The following WWOX variants were observed in gnomAD, a reference collection of about 807,000 sequenced individuals.
The protein encoded by WWOX is WW domain containing oxidoreductase.
Under a neutral mutation model 46.2 loss-of-function variants are expected in WWOX, and 69 were observed. The ratio of observed to expected loss-of-function variants is 1.49; its 90% CI spans 1.23 to 1.82. The LOEUF (loss-of-function observed/expected upper bound fraction) is 1.82. Ranked by LOEUF, WWOX falls within the 40% of genes most tolerant of loss-of-function variation. The pLI is 0.00. For missense variants in WWOX, 919 were observed against 542.6 expected, an observed-to-expected ratio of 1.69 and a Z score of -6.89; for synonymous variants, 359 against 202.6, an observed-to-expected ratio of 1.77 and a Z score of -6.56.
chr16:79,075,316 G>C (rs193263130), intron 8 of WWOX, among the ~76,000 whole-genome samples: 1 of 152,198 alleles, frequency 6.6e-6, no homozygotes, highest in Admixed American at 6.5e-5. Context: ...GTATGTTCAA[G>C]ACACCGGCAG....
At chr16:79,061,102 A>G (rs543087411) in intron 8 of WWOX, among the ~76,000 whole-genome samples, 2 of 152,310 alleles carry the variant, frequency 1.3e-5, no homozygotes, top group South Asian at 4.1e-4. Context: ...CAAGAGAGGT[A>G]CATTGGGTGG....
intron 8 of WWOX, among the ~76,000 whole-genome samples, chr16:79,183,567 T>G (rs1017755003): frequency 6.6e-6 from 1 of 152,250 alleles, no homozygotes; most frequent in African/African-American, 2.4e-5. Flanking sequence ...ATTCTTACTC[T>G]CCCTCTCCAG....
intron 5 of WWOX, among the ~76,000 whole-genome samples, chr16:78,340,653 T>C (rs1372583437): frequency 8.3e-6 from 1 of 120,662 alleles, no homozygotes; most frequent in African/African-American, 2.8e-5. Context: ...CTGGCTGGAC[T>C]ATTTTTTGGG....
intron 8 of WWOX, among the ~76,000 whole-genome samples, chr16:78,950,631 C>G (rs1175847684): frequency 6.6e-6 from 1 of 151,776 alleles, no homozygotes; most frequent in Admixed American, 6.6e-5. Context: ...AAATGACTTC[C>G]ATTAAATAGG....
intron 8 of WWOX, among the ~76,000 whole-genome samples, chr16:78,619,849 G>C (rs2151642215): frequency 6.6e-6 from 1 of 152,144 alleles, no homozygotes; most frequent in Admixed American, 6.5e-5. Context: ...GTTGAACCAT[G>C]ATTGCACCGT....
chr16:78,571,244 A>C (rs1412752304), intron 8 of WWOX, among the ~76,000 whole-genome samples: 1 of 152,158 alleles, frequency 6.6e-6, no homozygotes, highest in African/African-American at 2.4e-5. Context: ...GTGTTGCTTA[A>C]ATAGATTTTT....
intron 5 of WWOX, among the ~76,000 whole-genome samples, chr16:78,217,208 A>G (rs1883469925): frequency 6.6e-6 from 1 of 152,146 alleles, no homozygotes; most frequent in South Asian, 2.1e-4. Flanking sequence ...ATCCACAGTC[A>G]TAAAAGTCTG....
chr16:79,071,472 A>C (rs371617995), intron 8 of WWOX, among the ~76,000 whole-genome samples: 1 of 152,106 alleles, frequency 6.6e-6, no homozygotes, highest in Non-Finnish European at 1.5e-5. Context: ...ACCCAAACCA[A>C]GTTTCATTTT....
intron 8 of WWOX, among the ~76,000 whole-genome samples, chr16:79,018,200 G>C (rs1247046035): frequency 1.3e-5 from 2 of 152,166 alleles, no homozygotes; most frequent in African/African-American, 4.8e-5. Flanking sequence ...TGAGTCCCTA[G>C]TTATTTTGCC....
intron 4 of WWOX, among the ~76,000 whole-genome samples, chr16:78,132,901 T>TG (rs1378082300): frequency 2.6e-5 from 4 of 152,172 alleles, no homozygotes; most frequent in African/African-American, 9.7e-5. Flanking sequence ...TCAAATGGGG[T>TG]GGCAGCTGCA....
intron 5 of WWOX, among the ~76,000 whole-genome samples, chr16:78,232,922 A>G (rs2037315277): frequency 1.3e-5 from 2 of 151,910 alleles, no homozygotes; most frequent in East Asian, 1.9e-4. Flanking sequence ...GCTAACTGCA[A>G]TCTCTGCCTC....
At chr16:78,990,896 A>C (rs1357446670) in intron 8 of WWOX, among the ~76,000 whole-genome samples, 1 of 152,214 alleles carries the variant, frequency 6.6e-6, no homozygotes, top group East Asian at 1.9e-4. Flanking sequence ...ACACAGCATG[A>C]GTGATTTTTC....
At chr16:78,392,928 C>T (rs2082207546) in intron 6 of WWOX, among the ~76,000 whole-genome samples, 2 of 152,028 alleles carry the variant, frequency 1.3e-5, no homozygotes, top group Non-Finnish European at 2.9e-5. Flanking sequence ...CCCAGGAAGC[C>T]TCAGCCTGCT....
intron 6 of WWOX, among the ~76,000 whole-genome samples, chr16:78,406,333 T>A (rs866535266): frequency 1.0e-5 from 1 of 95,694 alleles, no homozygotes; most frequent in African/African-American, 9.1e-5. Context: ...TATATATATA[T>A]ATATATATAT....
intron 8 of WWOX, among the ~76,000 whole-genome samples, chr16:78,962,001 T>C (rs11645925): frequency 0.11 from 17,281 of 152,116 alleles, 1,065 homozygotes; most frequent in Middle Eastern, 0.21. Context: ...TTGTCTCTTG[T>C]CAGGACCTCC....
chr16:78,320,764 A>G (rs2080450096), intron 5 of WWOX, among the ~76,000 whole-genome samples: 1 of 152,188 alleles, frequency 6.6e-6, no homozygotes, highest in Non-Finnish European at 1.5e-5. Flanking sequence ...AGAAGATGGT[A>G]TACCTTGCCT....
intron 5 of WWOX, among the ~76,000 whole-genome samples, chr16:78,380,261 G>C (rs2151928765): frequency 1.3e-5 from 2 of 152,268 alleles, no homozygotes. Flanking sequence ...ACATAGTGTG[G>C]ACATAATGGA....
intron 8 of WWOX, among the ~76,000 whole-genome samples, chr16:78,804,909 C>G (rs996622666): frequency 6.6e-6 from 1 of 152,220 alleles, no homozygotes; most frequent in Non-Finnish European, 1.5e-5. Context: ...ATCTAAATTT[C>G]CTCCAAACTA....
At chr16:78,272,049 G>A (rs1022871216) in intron 5 of WWOX, among the ~76,000 whole-genome samples, 4 of 152,208 alleles carry the variant, frequency 2.6e-5, no homozygotes, top group Non-Finnish European at 4.4e-5. Context: ...TCTGTAAAAC[G>A]TGGATGTTCC....
Sources: allele counts gnomAD v4.1 joint callset (sites outside exome capture counted in the v4.1 genomes callset), GRCh38; gene constraint gnomAD v4.1.1; transcripts MANE v1.5; gene names NCBI Gene and HGNC (gene_info 2026-07-23, HGNC 2026-07-21).